ABCA1: variants seen among roughly 807,000 people sequenced by gnomAD.
ABCA1 encodes phospholipid-transporting ATPase ABCA1.
In ABCA1, 133 loss-of-function variants were observed where a neutral mutation model predicts 262.5. The observed-to-expected ratio is 0.51, with a 90% CI of 0.44 to 0.59. The LOEUF (loss-of-function observed/expected upper bound fraction) is 0.59. Among genes scored for constraint, ABCA1 ranks in the 20% least tolerant of loss-of-function variants. The pLI is 0.00. For missense variants in ABCA1, 2,452 were observed against 2,777.5 expected (o/e 0.88, Z 2.63); for synonymous variants, 1,022 against 1,043.5 (o/e 0.98, Z 0.40).
rs1389033137 is a variant in ABCA1, at chr9:104,871,750, G to A, written c.422-9950C>T. 2.0e-5 allele frequency among the ~76,000 whole-genome samples: 3 copies of A among 152,060 alleles called. No individual in the cohort carries two copies. The East Asian group carries it at 5.8e-4, about 29-fold the overall frequency. ...GTGAAAAGAAGGTAAGAGATAGGAA[G>A]TATGAAGAAACAGAGTCCAGAAACA... is the stretch of plus-strand genomic sequence containing the variant. On this transcript the variant is annotated intron_variant, in intron 5 of 49. Coordinates refer to ENST00000374736, the MANE Select transcript of ABCA1 (RefSeq NM_005502.4).
chr9:104,792,081 C>G, intron 42 of ABCA1, 83 bp from the exon 43 acceptor site: 2 of 1,201,334 alleles, frequency 1.7e-6, no homozygotes, highest in Non-Finnish European at 2.4e-6. Context: ...GGACTATAAA[C>G]CACATACACT....
At position 104,799,918 on chromosome 9, in the gene ABCA1, C is replaced by T. The variant is rs1251839800; in HGVS notation, c.4844G>A (p.Arg1615Gln). 5.6e-6 allele frequency: 9 copies of T among 1,613,970 alleles called. No homozygotes were observed. Among genetic ancestry groups the T allele is most frequent in the African/African-American group, 1.3e-5 (1 of 74,876 alleles). Reference protein sequence around the residue: ...FLNVINNAILRANLQKGENPS... With the variant: ...FLNVINNAILQANLQKGENPS... ...GTTCTCTCCCTTTTGCAGGTTGGCC[C>T]GGAGAATGGCATTGTTGATGACATT... Residue 1615 changes from arginine (R) to glutamine (Q), a missense_variant, in exon 36 of 50, where the codon CGG (arginine) becomes CAG (glutamine). This residue lies in a region of ABCA1 where 752 missense variants were observed against 944.5 expected (regional missense o/e 0.80). Coordinates refer to ENST00000374736, the MANE Select transcript of ABCA1 (RefSeq NM_005502.4).
At chr9:104,856,791 G>A (rs995919166) in intron 7 of ABCA1, among the ~76,000 whole-genome samples, 1 of 152,172 alleles carries the variant, frequency 6.6e-6, no homozygotes, top group Non-Finnish European at 1.5e-5. Flanking sequence ...AGCTGAAAGG[G>A]TGAGCATTTG....
rs748663329 is a variant in ABCA1, at chr9:104,790,925, T to A, written c.5924A>T (p.Asn1975Ile). ...TACAAGCCACTTCTTTTCTCACCTA[T>A]TTTTGTTAAGGAAAGCATCTCCTCT... Reference protein sequence around the residue: ...VTRGDAFLNKNSILSNIHEVH... With the variant: ...VTRGDAFLNKISILSNIHEVH... Residue 1975 changes from asparagine (N) to isoleucine (I), a missense_variant, in exon 44 of 50, where the codon AAT becomes ATT. Around this residue, in one of 4 missense-constraint regions of ABCA1, gnomAD observed 752 missense variants for 944.5 expected, o/e 0.80. Transcript: ENST00000374736. 14 of 1,606,048 alleles carry A rather than the reference T, an allele frequency of 8.7e-6. No individual in the cohort carries two copies. In the Admixed American group the frequency reaches 2.0e-4, roughly 23 times the overall value.
chr9:104,810,988 C>T, intron 28 of ABCA1, 64 bp from the exon 29 acceptor site: 1 of 1,610,864 alleles, frequency 6.2e-7, no homozygotes, highest in South Asian at 1.1e-5. Context: ...GAAACAAGGC[C>T]AAGGGGCAAA....
Position 104,840,537 on chromosome 9 carries a change from G to A in ABCA1, c.814-18C>T, listed in dbSNP as rs1482286698. 1 of 1,609,792 alleles carries A rather than the reference G, an allele frequency of 6.2e-7. No individual in the cohort carries two copies. The highest frequency in any genetic ancestry group is 8.5e-7 in the Non-Finnish European group (1 of 1,176,950). On this transcript the variant is annotated intron_variant, in intron 8 of 49. Coordinates refer to ENST00000374736, the MANE Select transcript of ABCA1 (RefSeq NM_005502.4). ...CTGAACAGCTGGCGTCAGGGATGGG[G>A]ACAGAAAGGAGGGTAGGGGAAGGGA...
intron 2 of ABCA1, among the ~76,000 whole-genome samples, chr9:104,898,407 G>T (rs1255262534): frequency 6.6e-6 from 1 of 151,948 alleles, no homozygotes; most frequent in Non-Finnish European, 1.5e-5. Flanking sequence ...AATTAGCTGG[G>T]CATGGTGGTG....
At chr9:104,900,902 G>C (rs567968158) in intron 2 of ABCA1, among the ~76,000 whole-genome samples, 56 of 152,372 alleles carry the variant, frequency 3.7e-4, no homozygotes, top group African/African-American at 1.3e-3. Flanking sequence ...TTAGCAGGCA[G>C]TGGTATAACA....
chr9:104,910,358 C>G (rs978710310), intron 1 of ABCA1, among the ~76,000 whole-genome samples: 1 of 152,216 alleles, frequency 6.6e-6, no homozygotes, highest in African/African-American at 2.4e-5. Context: ...AGTGACTTGC[C>G]TAGCATTAGA....
chr9:104,809,533 C>T lies in ABCA1; in HGVS notation c.4207G>A (p.Glu1403Lys). 1.2e-6 allele frequency: 2 copies of T among 1,614,164 alleles called. No homozygotes were observed. The highest frequency in any genetic ancestry group is 8.5e-7 in the Non-Finnish European group (1 of 1,180,030). Residue 1403 changes from glutamate (E) to lysine (K), a missense_variant, in exon 30 of 50, where the codon GAA becomes AAA. By Grantham distance (56) the Glu-to-Lys change is moderately conservative. This residue lies in a region of ABCA1 where 665 missense variants were observed against 727.3 expected (regional missense o/e 0.91). Transcript: ENST00000374736. ...TCTTTGGTGAGGGCGTTTAAGAGTT[C>T]CAGGGTTCCCGTGTCCTCAGGAGCA... ...NDAPEDTGTL[E>K]LLNALTKDPG...
intron 5 of ABCA1, among the ~76,000 whole-genome samples, chr9:104,873,311 G>C (rs1837799430): frequency 6.6e-6 from 1 of 152,212 alleles, no homozygotes; most frequent in Non-Finnish European, 1.5e-5. Flanking sequence ...ATAGTCTGAG[G>C]CTGTAACCTC....
chr9:104,840,383 A>G lies in ABCA1; in HGVS notation c.950T>C (p.Leu317Pro). The stretch of plus-strand genomic sequence containing the variant: ...ATACCAGTTGAGAGACTTGATCTTC[A>G]GCCCCCCTCCCTCGGGATGCCCGCA... ...IVCGHPEGGGLKIKSLNWYED... is the reference protein window; with the variant it reads ...IVCGHPEGGGPKIKSLNWYED... The change falls in exon 9 of 50, where the codon CTG (leucine) becomes CCG (proline). Residue 317 changes from leucine to proline, a missense_variant. By Grantham distance (98) the Leu-to-Pro change is moderately conservative. Coordinates refer to ENST00000374736, the MANE Select transcript of ABCA1 (RefSeq NM_005502.4). 6.2e-7 allele frequency: 1 copy of G among 1,614,192 alleles called. No individual in the cohort carries two copies. The highest frequency in any genetic ancestry group is 1.1e-5 in the South Asian group (1 of 91,080).
intron 1 of ABCA1, among the ~76,000 whole-genome samples, chr9:104,914,932 G>C (rs539989463): frequency 1.3e-5 from 2 of 152,256 alleles, no homozygotes; most frequent in East Asian, 3.9e-4. Context: ...GAGCTAGAGA[G>C]AATCTGTGAT....
intron 5 of ABCA1, among the ~76,000 whole-genome samples, chr9:104,877,672 T>A (rs1013586357): frequency 3.3e-5 from 5 of 152,248 alleles, no homozygotes; most frequent in African/African-American, 9.6e-5. Context: ...TCACTATCAG[T>A]CATCCACAGA....
At chr9:104,893,650 C>A (rs1477168644) in intron 2 of ABCA1, among the ~76,000 whole-genome samples, 1 of 152,004 alleles carries the variant, frequency 6.6e-6, no homozygotes, top group African/African-American at 2.4e-5. Flanking sequence ...CTCAGGACAA[C>A]CCTGTGAGAT....
Position 104,781,662 on chromosome 9 carries a change from G to C in ABCA1, c.*2653C>G, listed in dbSNP as rs535377345. On this transcript the variant is annotated 3_prime_UTR_variant, in exon 50 of 50. Transcript: ENST00000374736. ...TTTGGTTGTTTTTTAACAATGAATTGTGCTGGGCATTTATGTATAGAGGGC... is the reference window on the plus strand; with the variant it reads ...TTTGGTTGTTTTTTAACAATGAATTCTGCTGGGCATTTATGTATAGAGGGC... The C allele has an allele frequency of 1.5e-4, 23 of 152,690 alleles. No homozygotes were observed. The highest frequency in any genetic ancestry group is 8.3e-4 in the South Asian group (4 of 4,822). The allele number at this position is 152,690 out of a possible 1,614,324, so 9.5% of individuals were successfully genotyped here. A position where few individuals can be genotyped will look rare whatever the true frequency, so the allele number is the denominator to read the frequency against.
chr9:104,903,799 G>T, intron 1 of ABCA1, 28 bp from the exon 2 acceptor site: 1 of 939,538 alleles, frequency 1.1e-6, no homozygotes, highest in Non-Finnish European at 1.7e-6. Context: ...AGGGGAAACA[G>T]CCATCAGTTA....
At chr9:104,919,354 G>A (rs980504677) in intron 1 of ABCA1, among the ~76,000 whole-genome samples, 2 of 152,122 alleles carry the variant, frequency 1.3e-5, no homozygotes, top group Non-Finnish European at 2.9e-5. Flanking sequence ...GCTCACATCT[G>A]TAATCCCAGC....
At chr9:104,796,487 G>C in intron 37 of ABCA1, 63 bp from the exon 38 acceptor site, 1 of 1,256,552 alleles carries the variant, frequency 8.0e-7, no homozygotes. Flanking sequence ...CATCACACAA[G>C]TTTTCACCAT....
Sources: gnomAD v4.1 joint callset for allele counts (sites outside exome capture counted in the v4.1 genomes callset) on GRCh38, gnomAD v4.1.1 for gene constraint, gnomAD v4.1.1 regional missense constraint, MANE v1.5 for transcripts, NCBI Gene and HGNC (gene_info 2026-07-23, HGNC 2026-07-21) for gene names.